RANBP2: variants seen among roughly 807,000 people sequenced by gnomAD.
RANBP2 encodes RAN binding protein 2, also known as E3 SUMO-protein ligase RanBP2.
A neutral mutation model predicts 303.6 loss-of-function variants in RANBP2; 57 were observed. The ratio of observed to expected loss-of-function variants is 0.19; its 90% CI spans 0.15 to 0.23. The LOEUF is 0.23. Among genes scored for constraint, RANBP2 ranks in the 10% least tolerant of loss-of-function variants. The pLI is 1.00. For synonymous variants in RANBP2, 1,167 were observed against 1,301.5 expected (o/e 0.90, Z 2.23); for missense variants, 3,138 against 3,780.8 (o/e 0.83, Z 4.46).
chr2:109,558,107 A>G, the RANBP2 span, among the ~76,000 whole-genome samples: 2 of 152,182 alleles, frequency 1.3e-5, no homozygotes, highest in Non-Finnish European at 2.9e-5. Flanking sequence ...TGAATATTTA[A>G]TGCCAACATA....
chr2:108,927,147 CT>C, the RANBP2 span, among the ~76,000 whole-genome samples: 2 of 152,202 alleles, frequency 1.3e-5, no homozygotes, highest in Non-Finnish European at 2.9e-5. Context: ...GTCTGCACCC[CT>C]GCGGAGCAGT....
chr2:109,366,291 A>G, the RANBP2 span, among the ~76,000 whole-genome samples: 1 of 152,202 alleles, frequency 6.6e-6, no homozygotes, highest in Non-Finnish European at 1.5e-5. Context: ...AAAAATAACT[A>G]TCAAGTCCAC....
chr2:108,986,025 A>G, the RANBP2 span, among the ~76,000 whole-genome samples: 1 of 152,108 alleles, frequency 6.6e-6, no homozygotes, highest in Non-Finnish European at 1.5e-5. Flanking sequence ...CATAGCTTTG[A>G]CTGTACAGGG....
the RANBP2 span, among the ~76,000 whole-genome samples, chr2:109,556,186 T>C: frequency 1.3e-5 from 2 of 152,192 alleles, no homozygotes; most frequent in East Asian, 1.9e-4. Flanking sequence ...CTTTCCTATG[T>C]GTAGAATTTT....
chr2:109,341,801 C>CT, the RANBP2 span, among the ~76,000 whole-genome samples: 3 of 152,194 alleles, frequency 2.0e-5, no homozygotes, highest in African/African-American at 7.2e-5. Context: ...GCAGGAATCA[C>CT]TTTCACTTGC....
At chr2:108,875,887 A>T in the RANBP2 span, among the ~76,000 whole-genome samples, 1 of 152,168 alleles carries the variant, frequency 6.6e-6, no homozygotes, top group Admixed American at 6.5e-5. Context: ...TTTTTTCCCC[A>T]GTGGTTTTCT....
the RANBP2 span, among the ~76,000 whole-genome samples, chr2:109,763,128 G>A: frequency 6.7e-6 from 1 of 150,140 alleles, no homozygotes; most frequent in South Asian, 2.2e-4. Flanking sequence ...GTAAGTGGTA[G>A]TAGTTCCATT....
the RANBP2 span, among the ~76,000 whole-genome samples, chr2:109,680,691 G>C: frequency 6.6e-6 from 1 of 152,136 alleles, no homozygotes; most frequent in Non-Finnish European, 1.5e-5. Flanking sequence ...CACTTTCTCA[G>C]CCACCGGAAT....
chr2:109,402,019 A>G, the RANBP2 span, among the ~76,000 whole-genome samples: 3 of 152,234 alleles, frequency 2.0e-5, no homozygotes, highest in African/African-American at 7.2e-5. Flanking sequence ...GAGGTCAAAT[A>G]AAGCAGTTGC....
the RANBP2 span, among the ~76,000 whole-genome samples, chr2:108,822,600 A>G: frequency 1.3e-5 from 2 of 152,230 alleles, no homozygotes; most frequent in African/African-American, 4.8e-5. Context: ...ACATCATTAC[A>G]AAATTTCTGA....
At chr2:109,672,474 G>A in the RANBP2 span, among the ~76,000 whole-genome samples, 8 of 152,216 alleles carry the variant, frequency 5.3e-5, no homozygotes, top group Admixed American at 2.0e-4. Flanking sequence ...GGAGGATTAT[G>A]TATATAATTG....
At chr2:109,337,405 T>G in the RANBP2 span, among the ~76,000 whole-genome samples, 3 of 152,220 alleles carry the variant, frequency 2.0e-5, no homozygotes, top group Non-Finnish European at 4.4e-5. Context: ...TCCTCCTGTG[T>G]GTGGTGTCCT....
chr2:109,658,874 G>A, the RANBP2 span, among the ~76,000 whole-genome samples: 1 of 152,156 alleles, frequency 6.6e-6, no homozygotes, highest in African/African-American at 2.4e-5. Flanking sequence ...AGACTAGCCT[G>A]GCCAACATGG....
the RANBP2 span, among the ~76,000 whole-genome samples, chr2:109,630,191 T>C: frequency 6.6e-6 from 1 of 152,174 alleles, no homozygotes; most frequent in Non-Finnish European, 1.5e-5. Context: ...TGCACATATA[T>C]ATATATTTAT....
chr2:108,993,615 G>A, the RANBP2 span, among the ~76,000 whole-genome samples: 1 of 152,150 alleles, frequency 6.6e-6, no homozygotes, highest in Non-Finnish European at 1.5e-5. Flanking sequence ...TGGGTGATCT[G>A]TCCTCCCCCA....
At chr2:108,836,414 T>C in the RANBP2 span, among the ~76,000 whole-genome samples, 4 of 152,212 alleles carry the variant, frequency 2.6e-5, no homozygotes, top group African/African-American at 9.6e-5. Context: ...TTGATAGATA[T>C]TTGGGCAGCT....
chr2:109,089,181 G>A, the RANBP2 span, among the ~76,000 whole-genome samples: 1 of 152,160 alleles, frequency 6.6e-6, no homozygotes, highest in African/African-American at 2.4e-5. Context: ...GGGATGGGGA[G>A]GGAACCAGCA....
chr2:108,887,962 G>C, the RANBP2 span, among the ~76,000 whole-genome samples: 1 of 152,132 alleles, frequency 6.6e-6, no homozygotes, highest in Admixed American at 6.5e-5. Flanking sequence ...TAGAGGAAAG[G>C]CTTTTAGCTT....
At chr2:108,735,271 G>A (rs935320202) in intron 4 of RANBP2, among the ~76,000 whole-genome samples, 34 of 152,190 alleles carry the variant, frequency 2.2e-4, no homozygotes, top group African/African-American at 8.0e-4. Flanking sequence ...ACAGGAATGT[G>A]TGGCATTAGT....
Sources: allele counts gnomAD v4.1 joint callset (sites outside exome capture counted in the v4.1 genomes callset), GRCh38; gene constraint gnomAD v4.1.1; transcripts MANE v1.5; gene names NCBI Gene and HGNC (gene_info 2026-07-23, HGNC 2026-07-21).